ABCA7: variants seen among roughly 807,000 people sequenced by gnomAD.
ABCA7 encodes the protein ATP binding cassette subfamily A member 7.
Under a neutral mutation model 227.6 loss-of-function variants are expected in ABCA7, and 261 were observed. That is an observed-to-expected ratio of 1.15 (90% CI 1.04 to 1.27). The LOEUF is 1.27. Ranked by LOEUF, ABCA7 falls within the 50% of genes most tolerant of loss-of-function variation. The pLI, the probability that ABCA7 is intolerant of heterozygous loss-of-function variation, is 0.00. For synonymous variants in ABCA7, 1,488 were observed against 1,279.7 expected, an observed-to-expected ratio of 1.16 and a Z score of -3.47; for missense variants, 3,331 against 2,924.5, an observed-to-expected ratio of 1.14 and a Z score of -3.21.
At chr19:1,042,256 G>T in intron 5 of ABCA7, 59 bp from the exon 6 acceptor site, 1 of 1,585,324 alleles carries the variant, frequency 6.3e-7, no homozygotes, top group Non-Finnish European at 8.6e-7. Flanking sequence ...ACAGGGTGGG[G>T]GTGGGTGCCT....
chr19:1,054,799 C>T lies in ABCA7; in HGVS notation c.3871C>T (p.Pro1291Ser), dbSNP rs745916701. 4 of 1,593,182 alleles carry T rather than the reference C, an allele frequency of 2.5e-6. No individual in the cohort carries two copies. The highest frequency in any genetic ancestry group is 2.6e-6 in the Non-Finnish European group (3 of 1,170,698). ...SFFSEDAPGD[P>S]GRARLLEALL... Reference sequence around the variant, plus strand: ...ACACAGTGAGGACGCCCCAGGGGACCCTGGACGTGCCCGGCTGCTCGAGGC... The same window carrying T: ...ACACAGTGAGGACGCCCCAGGGGACTCTGGACGTGCCCGGCTGCTCGAGGC... Residue 1291 changes from proline to serine, a missense_variant, in exon 29 of 47, where the codon CCT becomes TCT. Pro to Ser is a moderately conservative substitution (Grantham distance 74, BLOSUM62 -1). Coordinates refer to ENST00000263094, the MANE Select transcript of ABCA7 (RefSeq NM_019112.4). This position sits in a 1 kb window ranked among gnomAD's most constrained non-coding sequence, Gnocchi z 4.8.
chr19:1,051,720 C>T (rs1420635935), intron 21 of ABCA7, 134 bp downstream of exon 21: 4 of 1,057,604 alleles, frequency 3.8e-6, no homozygotes, highest in South Asian at 1.6e-5. Context: ...TTAGGGGCTA[C>T]TGCTCAAATA....
In ABCA7 at chr19:1,054,237, G is replaced by C; in HGVS notation, c.3622G>C (p.Val1208Leu). The C allele has an allele frequency of 6.2e-7, 1 of 1,608,340 alleles. No homozygotes were observed. Among genetic ancestry groups the C allele is most frequent in the South Asian group, 1.1e-5 (1 of 90,940 alleles). Residue 1208 changes from valine (V) to leucine (L), a missense_variant, in exon 27 of 47, where the codon GTG (valine) becomes CTG (leucine). Val to Leu is a conservative substitution (Grantham distance 32). Coordinates refer to ENST00000263094, the MANE Select transcript of ABCA7 (RefSeq NM_019112.4). The surrounding 1 kb of genome is among the most constrained non-coding windows in gnomAD (Gnocchi z 4.8). ...ETDQGSGPDA[V>L]GRVQGWALTR... is the part of the protein sequence containing the mutation. ...TGACCAGGGCTCTGGGCCAGACGCC[G>C]TGGGCCGGGTACAGGGCTGGGCACT... is the stretch of plus-strand genomic sequence containing the variant.
At chr19:1,040,304 C>G (rs1356580170) in intron 1 of ABCA7, 108 bp downstream of exon 1, 2 of 152,230 alleles carry the variant, frequency 1.3e-5, no homozygotes, top group Non-Finnish European at 2.9e-5. Flanking sequence ...CTCTGACCTC[C>G]TTCCGGTGAA....
At chr19:1,043,666 G>T (rs1223611412) in intron 9 of ABCA7, 59 bp from the exon 10 acceptor site, 2 of 1,572,194 alleles carry the variant, frequency 1.3e-6, no homozygotes, top group African/African-American at 1.4e-5. Flanking sequence ...GGGGGCAGGG[G>T]GTGGGCAGGG....
chr19:1,063,430 G>A, intron 42 of ABCA7, 114 bp from the exon 43 acceptor site: 1 of 1,427,188 alleles, frequency 7.0e-7, no homozygotes, highest in African/African-American at 1.4e-5. Context: ...CATTTGCCCT[G>A]CCCCATGCCC....
chr19:1,051,687 G>C (rs946545450), intron 21 of ABCA7, 101 bp downstream of exon 21: 19 of 1,230,632 alleles, frequency 1.5e-5, no homozygotes, highest in Non-Finnish European at 2.0e-5. Flanking sequence ...GCTACATGTG[G>C]ACCCCACTTG....
chr19:1,051,446 C>T lies in ABCA7; in HGVS notation c.2825-3C>T, dbSNP rs569792541. ...ACTGAGGTCCCTTCCCCATCTCTAC[C>T]AGGTGGGATGCAACGGAAGCTGTCC... On this transcript the variant is annotated splice_region_variant and splice_polypyrimidine_tract_variant and intron_variant, in intron 20 of 46. Transcript: ENST00000263094. 1.2e-6 allele frequency: 2 copies of T among 1,611,380 alleles called. No individual in the cohort carries two copies. Among genetic ancestry groups the T allele is most frequent in the African/African-American group, 1.3e-5 (1 of 75,022 alleles).
In ABCA7 at chr19:1,053,523, C is replaced by T. The variant is rs2144861149; in HGVS notation, c.3415C>T (p.Leu1139Phe). The T allele has an allele frequency of 1.3e-6, 2 of 1,564,408 alleles. No homozygotes were observed. The highest frequency in any genetic ancestry group is 1.7e-6 in the Non-Finnish European group (2 of 1,159,878). The change falls in exon 24 of 47, where the codon CTC (leucine) becomes TTC (phenylalanine). Residue 1139 changes from leucine (L) to phenylalanine (F), a missense_variant. By Grantham distance (22) the Leu-to-Phe change is conservative. Transcript: ENST00000263094. ...TGGCTACGGGATCTCCGACACCAGC[C>T]TCGAGGAGGTGTGAGGCCTGGGTGG... ...LTGYGISDTS[L>F]EEIFLKVVEE...
chr19:1,041,963 A>G lies in ABCA7; in HGVS notation c.293A>G (p.Asn98Ser), dbSNP rs745685434. 11 of 1,585,652 alleles carry G rather than the reference A, an allele frequency of 6.9e-6. No homozygotes were observed. Among genetic ancestry groups the G allele is most frequent in the South Asian group, 5.6e-5 (5 of 89,314 alleles). Reference protein sequence around the residue: ...GEEPGRLSNFNDSLVSRLLAD... With the variant: ...GEEPGRLSNFSDSLVSRLLAD... ...GAGCCCGGGCGCCTGAGCAACTTCA[A>G]CGACTCCCTGTGAGCCAGAGGCAGT... is the stretch of plus-strand genomic sequence containing the variant. The change falls in exon 4 of 47, where the codon AAC (asparagine) becomes AGC (serine). Residue 98 changes from asparagine to serine, a missense_variant. Asn to Ser is a conservative substitution (Grantham distance 46). Transcript: ENST00000263094.
chr19:1,045,512 C>T (rs1165257471), intron 12 of ABCA7: 3 of 453,180 alleles, frequency 6.6e-6, no homozygotes, highest in Admixed American at 3.8e-5. Flanking sequence ...TTATTAGGTC[C>T]CTGGAATAAG....
In ABCA7 at chr19:1,044,632, A is replaced by T; in HGVS notation, c.1103A>T (p.Asp368Val). 1 of 1,613,196 alleles carries T rather than the reference A, an allele frequency of 6.2e-7. No individual in the cohort carries two copies. Among genetic ancestry groups the T allele is most frequent in the Non-Finnish European group, 8.5e-7 (1 of 1,179,948 alleles). ...AGGCAGCCCAGACCTGGAGGCCGGG[A>T]CCACATGGAGGCCCTGCGATCCTTT... ...GRRQPRPGGR[D>V]HMEALRSFLD... Residue 368 changes from aspartate to valine, a missense_variant, in exon 11 of 47, where the codon GAC (aspartate) becomes GTC (valine). Asp to Val is a radical substitution (Grantham distance 152). Transcript: ENST00000263094.
chr19:1,065,443 G>A lies in ABCA7; in HGVS notation c.*18G>A. On this transcript the variant is annotated 3_prime_UTR_variant, in exon 47 of 47. Transcript: ENST00000263094. ...TGCTCTGAGCCTCCCTCCCCTGCGG[G>A]GCCGCGGGGAGGCCCTGGGAATGGC... The A allele has an allele frequency of 6.2e-7, 1 of 1,612,098 alleles. No homozygotes were observed. Among genetic ancestry groups the A allele is most frequent in the Non-Finnish European group, 8.5e-7 (1 of 1,179,194 alleles).
At chr19:1,062,054 A>G in intron 41 of ABCA7, 118 bp from the exon 42 acceptor site, 2 of 1,500,188 alleles carry the variant, frequency 1.3e-6, no homozygotes, top group Non-Finnish European at 1.8e-6. Context: ...AGGCCCTGAG[A>G]CACCCCTGTC....
At position 1,058,801 on chromosome 19, in the gene ABCA7, A is replaced by G. The variant is rs980877887; in HGVS notation, c.5280-19A>G. ...GGGGCCAAGGACCTACTTTAAGCCC[A>G]CAGATATTCTGTCCCCAGGCCCAGG... On this transcript the variant is annotated intron_variant, in intron 38 of 46. Transcript: ENST00000263094. 1 of 1,591,144 alleles carries G rather than the reference A, an allele frequency of 6.3e-7. No individual in the cohort carries two copies. The highest frequency in any genetic ancestry group is 1.4e-5 in the African/African-American group (1 of 73,978).
intron 40 of ABCA7, among the ~76,000 whole-genome samples, chr19:1,059,992 A>C (rs1310333847): frequency 6.6e-6 from 1 of 152,184 alleles, no homozygotes; most frequent in Non-Finnish European, 1.5e-5. Flanking sequence ...ATCAAATACC[A>C]ATAGAATTTA....
In ABCA7 at chr19:1,041,314, C is replaced by G. The variant is rs1281759867; in HGVS notation, c.-48C>G. 6.2e-7 allele frequency: 1 copy of G among 1,601,286 alleles called. No homozygotes were observed. Among genetic ancestry groups the G allele is most frequent in the East Asian group, 2.2e-5 (1 of 44,742 alleles). On this transcript the variant is annotated 5_prime_UTR_variant, in exon 2 of 47. Transcript: ENST00000263094. Reference sequence around the variant, plus strand: ...CGCAGCCGCACCGCACGTCTTCAGCCCGACCGTTGTCCTGACCTCTCTGTC... The same window carrying G: ...CGCAGCCGCACCGCACGTCTTCAGCGCGACCGTTGTCCTGACCTCTCTGTC...
intron 12 of ABCA7, 123 bp from the exon 13 acceptor site, chr19:1,046,107 T>G: frequency 8.8e-7 from 1 of 1,141,006 alleles, no homozygotes; most frequent in East Asian, 2.4e-5. Context: ...GAGCTATGAT[T>G]GCAGCTCTTC....
In ABCA7 at chr19:1,043,113, G is replaced by A. The variant is rs578067390; in HGVS notation, c.652G>A (p.Glu218Lys). The change falls in exon 8 of 47, where the codon GAG becomes AAG. Residue 218 changes from glutamate to lysine, a missense_variant. Coordinates refer to ENST00000263094, the MANE Select transcript of ABCA7 (RefSeq NM_019112.4). ...ACCCCGAGGGACCAGCGGCCCCCTGGAGTTGCTGTCAGAGGCCCTCTGCAG... is the reference window on the plus strand; with the variant it reads ...ACCCCGAGGGACCAGCGGCCCCCTGAAGTTGCTGTCAGAGGCCCTCTGCAG... ...QRPRGTSGPL[E>K]LLSEALCSVR... is the part of the protein sequence containing the mutation. 4.8e-5 allele frequency: 78 copies of A among 1,612,678 alleles called. No individual in the cohort carries two copies. The South Asian group carries it at 8.1e-4, about 17-fold the overall frequency.
Sources: gnomAD v4.1 joint callset for allele counts (sites outside exome capture counted in the v4.1 genomes callset) on GRCh38, gnomAD v4.1.1 for gene constraint, Gnocchi (gnomAD v3.1) non-coding constraint, MANE v1.5 for transcripts, NCBI Gene and HGNC (gene_info 2026-07-23, HGNC 2026-07-21) for gene names.